RPH3AL: variants seen among roughly 807,000 people sequenced by gnomAD.
The protein encoded by RPH3AL is rab effector Noc2.
A neutral mutation model predicts 43.1 loss-of-function variants in RPH3AL; 38 were observed. The ratio of observed to expected loss-of-function variants is 0.88; its 90% confidence interval spans 0.68 to 1.15. The LOEUF (loss-of-function observed/expected upper bound fraction) is 1.15. Among genes scored for constraint, RPH3AL ranks in the 50% most tolerant of loss-of-function variants. RPH3AL has a pLI of 0.00. For missense variants in RPH3AL, 462 were observed against 423.2 expected, an observed-to-expected ratio of 1.09 and a Z score of -0.81; for synonymous variants, 189 against 176.3, an observed-to-expected ratio of 1.07 and a Z score of -0.57.
chr17:258,650 C>A (rs550633770), intron 6 of RPH3AL, among the ~76,000 whole-genome samples: 5 of 152,240 alleles, frequency 3.3e-5, no homozygotes, highest in African/African-American at 1.2e-4. Flanking sequence ...CCACTCCACT[C>A]AATTCCTGCT....
At chr17:271,964 T>G (rs2042474507) in intron 6 of RPH3AL, among the ~76,000 whole-genome samples, 1 of 152,142 alleles carries the variant, frequency 6.6e-6, no homozygotes, top group Non-Finnish European at 1.5e-5. Context: ...CAGACACTTC[T>G]CAAAAGAAGA....
chr17:306,417 TC>T (rs1336165208), intron 5 of RPH3AL: 3 of 152,054 alleles, frequency 2.0e-5, no homozygotes, highest in Non-Finnish European at 4.4e-5. Context: ...GGGACTAACC[TC>T]CACCTCGCCT....
chr17:213,603 G>A lies in RPH3AL; in HGVS notation c.*249C>T, dbSNP rs2040721895. The A allele has an allele frequency of 5.2e-6, 3 of 577,066 alleles. No homozygotes were observed. The highest frequency in any genetic ancestry group is 9.3e-6 in the Non-Finnish European group (3 of 322,612). 35.7% of individuals were successfully genotyped at this position (577,066 alleles called of 1,614,324 possible). On this transcript the variant is annotated 3_prime_UTR_variant, in exon 10 of 10. Coordinates refer to ENST00000331302, the MANE Select transcript of RPH3AL (RefSeq NM_006987.4). Reference sequence around the variant, plus strand: ...CACCAGGTAGATTGGGGGTGTGGGAGGGGAGGGTAATAAATAAGGTCGGGG... The same window carrying A: ...CACCAGGTAGATTGGGGGTGTGGGAAGGGAGGGTAATAAATAAGGTCGGGG...
At chr17:298,254 C>T (rs927788372) in intron 5 of RPH3AL, among the ~76,000 whole-genome samples, 1 of 152,142 alleles carries the variant, frequency 6.6e-6, no homozygotes, top group Non-Finnish European at 1.5e-5. Context: ...TGCTGGGGCC[C>T]CTCAGTAGCC....
chr17:324,702 G>GCTAGCTAGCTAGCTAGCTAGCTATCTAT (rs1301592247), intron 3 of RPH3AL, among the ~76,000 whole-genome samples: 2 of 119,818 alleles, frequency 1.7e-5, no homozygotes, highest in African/African-American at 6.0e-5. Context: ...TAGCTAGCTA[G>GCTAGCTAGCTAGCTAGCTAGCTATCTAT]CTATGTACCT....
At chr17:316,702 G>A (rs367857281) in intron 5 of RPH3AL, among the ~76,000 whole-genome samples, 128 of 28,514 alleles carry the variant, frequency 4.5e-3, no homozygotes, top group Admixed American at 0.01. Context: ...CACCTCCATT[G>A]ACCTGTAGTC....
At chr17:350,872 G>A (rs1040003392) in intron 1 of RPH3AL, among the ~76,000 whole-genome samples, 3 of 152,184 alleles carry the variant, frequency 2.0e-5, no homozygotes, top group Admixed American at 6.5e-5. Context: ...TCCTCCTCCT[G>A]TCTGAACTCT....
intron 7 of RPH3AL, among the ~76,000 whole-genome samples, chr17:233,248 C>T (rs747407313): frequency 3.6e-4 from 55 of 152,146 alleles, no homozygotes; most frequent in African/African-American, 8.9e-4. Context: ...CTCTACCCCC[C>T]GCCTGAAATT....
At chr17:318,876 C>T (rs1444005979) in intron 5 of RPH3AL, among the ~76,000 whole-genome samples, 3 of 152,176 alleles carry the variant, frequency 2.0e-5, no homozygotes, top group Non-Finnish European at 2.9e-5. Flanking sequence ...AAAGTGTAAT[C>T]CCAGCATACT....
In RPH3AL at chr17:283,063, G is replaced by A. The variant is rs1376047265; in HGVS notation, c.352-1209C>T. 6.6e-6 allele frequency among the ~76,000 whole-genome samples: 1 copy of A among 152,220 alleles called. No individual in the cohort carries two copies. The highest frequency in any genetic ancestry group is 1.5e-5 in the Non-Finnish European group (1 of 68,048). On this transcript the variant is annotated intron_variant, in intron 5 of 9. Transcript: ENST00000331302. The surrounding 1 kb of genome is among the most constrained non-coding windows in gnomAD (Gnocchi z 4.2). ...CTCCAGGCTAACCCAGGCAGAGTCT[G>A]ATTCAGCGATCGCTGGCGACTCCTC...
chr17:277,610 T>C (rs2042683663), intron 6 of RPH3AL, among the ~76,000 whole-genome samples: 1 of 152,160 alleles, frequency 6.6e-6, no homozygotes, highest in South Asian at 2.1e-4. Flanking sequence ...TCGGATTCTG[T>C]CTCCGCTTTA....
chr17:249,898 T>C (rs1405965787), intron 6 of RPH3AL, among the ~76,000 whole-genome samples: 7 of 150,018 alleles, frequency 4.7e-5, no homozygotes, highest in Non-Finnish European at 1.0e-4. Flanking sequence ...GCTCCGTCAC[T>C]GTGGGACCTC....
chr17:344,723 C>A (rs1238757117), intron 1 of RPH3AL, among the ~76,000 whole-genome samples: 1 of 134,806 alleles, frequency 7.4e-6, no homozygotes, highest in African/African-American at 2.5e-5. Context: ...ATAATCATCA[C>A]CATCATTGTC....
chr17:218,845 G>C (rs1465955060), intron 8 of RPH3AL, among the ~76,000 whole-genome samples: 2 of 152,198 alleles, frequency 1.3e-5, no homozygotes, highest in Admixed American at 6.5e-5. Flanking sequence ...GCAGGTCCTG[G>C]GGACCCCATG....
At chr17:244,888 T>C (rs2041709921) in intron 7 of RPH3AL, among the ~76,000 whole-genome samples, 1 of 152,208 alleles carries the variant, frequency 6.6e-6, no homozygotes, top group African/African-American at 2.4e-5. Context: ...CGAGTGTGTG[T>C]GCGTGTGAAT....
chr17:257,264 C>T (rs1597952446), intron 6 of RPH3AL, among the ~76,000 whole-genome samples: 1 of 28,056 alleles, frequency 3.6e-5, no homozygotes, highest in Admixed American at 4.6e-4. Context: ...GGGAGCCGCA[C>T]GGCGTCTGTC....
chr17:256,062 G>C (rs868951782), intron 6 of RPH3AL, among the ~76,000 whole-genome samples: 1 of 37,254 alleles, frequency 2.7e-5, no homozygotes, highest in African/African-American at 8.6e-5. Context: ...GCCGCACGGC[G>C]TCTGTCCTTT....
At chr17:236,813 G>A (rs908159685) in intron 7 of RPH3AL, among the ~76,000 whole-genome samples, 20 of 152,280 alleles carry the variant, frequency 1.3e-4, no homozygotes, top group African/African-American at 3.6e-4. Context: ...GCCAGTGAGC[G>A]TCGAGAACTG....
In RPH3AL at chr17:290,720, C is replaced by A. The variant is rs191621783; in HGVS notation, c.352-8866G>T. On this transcript the variant is annotated intron_variant, in intron 5 of 9. Coordinates refer to ENST00000331302, the MANE Select transcript of RPH3AL (RefSeq NM_006987.4). The surrounding 1 kb of genome is among the most constrained non-coding windows in gnomAD (Gnocchi z 4.2). ...TTTCATGATGAGGAATTCCACCACG[C>A]TCCCGCAGATCAGAAGACGGGAAGG... Among the ~76,000 whole-genome samples, 5 of 152,310 alleles carry A rather than the reference C, an allele frequency of 3.3e-5. No individual in the cohort carries two copies. In the East Asian group the frequency reaches 9.7e-4, roughly 29 times the overall value.
Sources: gnomAD v4.1 joint callset for allele counts (sites outside exome capture counted in the v4.1 genomes callset) on GRCh38, gnomAD v4.1.1 for gene constraint, Gnocchi (gnomAD v3.1) non-coding constraint, MANE v1.5 for transcripts, NCBI Gene and HGNC (gene_info 2026-07-23, HGNC 2026-07-21) for gene names.